EML4: variants seen among roughly 807,000 people sequenced by gnomAD.
The protein encoded by EML4 is echinoderm microtubule-associated protein-like 4.
EML4 carries 72 observed loss-of-function variants against 129.0 expected under a neutral mutation model. That is an observed-to-expected ratio of 0.56 (90% CI 0.46 to 0.68). The LOEUF is 0.68. Ranked by LOEUF, EML4 falls within the 30% of genes least tolerant of loss-of-function variation. The pLI, the probability that EML4 is intolerant of heterozygous loss-of-function variation, is 0.00. For synonymous variants in EML4, 532 were observed against 405.0 expected (o/e 1.31, Z -3.77); for missense variants, 1,363 against 1,190.6 (o/e 1.14, Z -2.13).
intron 1 of EML4, among the ~76,000 whole-genome samples, chr2:42,206,143 A>G (rs1047425099): frequency 9.2e-5 from 14 of 152,232 alleles, no homozygotes; most frequent in Admixed American, 7.2e-4. Context: ...AAGTTTCACA[A>G]ATTTGTTCCA....
At chr2:42,213,356 C>G (rs1051133640) in intron 1 of EML4, among the ~76,000 whole-genome samples, 1 of 152,152 alleles carries the variant, frequency 6.6e-6, no homozygotes, top group African/African-American at 2.4e-5. Flanking sequence ...CTTCTTGTGT[C>G]TGGCTTCTTT....
At chr2:42,286,003 G>T in intron 9 of EML4, 1 of 490,954 alleles carries the variant, frequency 2.0e-6, no homozygotes, top group Non-Finnish European at 3.7e-6. Flanking sequence ...TACCTGTAGT[G>T]CATAGGATTA....
In EML4 at chr2:42,261,239, C is replaced by A; in HGVS notation, c.457C>A (p.Pro153Thr). The change falls in exon 4 of 23, where the codon CCT becomes ACT. Residue 153 changes from proline to threonine, a missense_variant. Transcript: ENST00000318522. Reference sequence around the variant, plus strand: ...ACCTTCTCCCCAGCCCTCTTCACAACCTCTCCAAATACACAGACAAACTCC... The same window carrying A: ...ACCTTCTCCCCAGCCCTCTTCACAAACTCTCCAAATACACAGACAAACTCC... ...ASPSPQPSSQ[P>T]LQIHRQTPES... The A allele has an allele frequency of 6.2e-7, 1 of 1,614,034 alleles. No homozygotes were observed. Among genetic ancestry groups the A allele is most frequent in the African/African-American group, 1.3e-5 (1 of 75,042 alleles).
Position 42,169,585 on chromosome 2 carries a change from C to T in EML4, c.-27C>T, listed in dbSNP as rs1262130427. 4.4e-6 allele frequency: 7 copies of T among 1,597,904 alleles called. No homozygotes were observed. Among genetic ancestry groups the T allele is most frequent in the East Asian group, 2.3e-5 (1 of 43,606 alleles). On this transcript the variant is annotated 5_prime_UTR_variant, in exon 1 of 23. Coordinates refer to ENST00000318522, the MANE Select transcript of EML4 (RefSeq NM_019063.5). The stretch of plus-strand genomic sequence containing the variant: ...TGAATGAAGTGCCCGCCCCTCTAAG[C>T]CCGGAGCCCGGCGCTTTCCCCGCAA...
At chr2:42,228,954 A>T (rs1444761305) in intron 1 of EML4, among the ~76,000 whole-genome samples, 1 of 152,192 alleles carries the variant, frequency 6.6e-6, no homozygotes, top group Non-Finnish European at 1.5e-5. Flanking sequence ...ATTCCAATTT[A>T]GTCCATTTTT....
At chr2:42,215,972 G>C (rs1421902051) in intron 1 of EML4, among the ~76,000 whole-genome samples, 1 of 151,672 alleles carries the variant, frequency 6.6e-6, no homozygotes, top group African/African-American at 2.4e-5. Flanking sequence ...CCAGGGTAGA[G>C]TGCAGAGGCA....
chr2:42,218,000 ATGAAGTGGGC>A (rs1426501348), intron 1 of EML4, among the ~76,000 whole-genome samples: 1 of 152,208 alleles, frequency 6.6e-6, no homozygotes, highest in East Asian at 1.9e-4. Context: ...GTAGTCTGTA[ATGAAGTGGGC>A]TGTAGAACAG....
At chr2:42,185,300 T>A (rs1671184690) in intron 1 of EML4, among the ~76,000 whole-genome samples, 1 of 152,174 alleles carries the variant, frequency 6.6e-6, no homozygotes, top group Non-Finnish European at 1.5e-5. Context: ...GAAATTCAGA[T>A]TTCAATATCC....
chr2:42,263,142 C>T, intron 4 of EML4, 36 bp from the exon 5 acceptor site: 1 of 1,575,092 alleles, frequency 6.3e-7, no homozygotes. Context: ...CTTTGATACT[C>T]AGAATTTTTC....
intron 1 of EML4, among the ~76,000 whole-genome samples, chr2:42,223,542 C>T (rs1282900569): frequency 6.6e-6 from 1 of 152,080 alleles, no homozygotes; most frequent in Non-Finnish European, 1.5e-5. Context: ...TTAGAAATTA[C>T]AAATTTTACT....
intron 1 of EML4, among the ~76,000 whole-genome samples, chr2:42,216,184 C>T (rs899619201): frequency 6.8e-6 from 1 of 147,540 alleles, no homozygotes; most frequent in East Asian, 2.0e-4. Flanking sequence ...CGTCCCAAAC[C>T]AAAGTGCTGG....
At chr2:42,311,588 A>AGTT (rs1378806058) in intron 17 of EML4, among the ~76,000 whole-genome samples, 1 of 152,208 alleles carries the variant, frequency 6.6e-6, no homozygotes, top group Non-Finnish European at 1.5e-5. Context: ...AGTGTCATAA[A>AGTT]GTTTCCATAA....
intron 6 of EML4, among the ~76,000 whole-genome samples, chr2:42,271,123 G>T (rs1353831926): frequency 2.6e-5 from 4 of 152,070 alleles, no homozygotes; most frequent in Non-Finnish European, 5.9e-5. Context: ...TGAACTCCTG[G>T]GCTCAAGTGA....
At chr2:42,185,336 G>C (rs961915990) in intron 1 of EML4, among the ~76,000 whole-genome samples, 10 of 152,190 alleles carry the variant, frequency 6.6e-5, no homozygotes, top group African/African-American at 2.4e-4. Context: ...TTGGAACACA[G>C]CCGTACTCAT....
intron 17 of EML4, among the ~76,000 whole-genome samples, chr2:42,304,866 C>A (rs1668502758): frequency 1.3e-5 from 2 of 152,180 alleles, no homozygotes; most frequent in Admixed American, 6.5e-5. Context: ...GCACAGTAAT[C>A]CCAGCACTTT....
chr2:42,246,754 G>C lies in EML4; in HGVS notation c.208+1067G>C, dbSNP rs139700817. ...TAAAATGAGAAGGCAGTCCAGCATAGTTCCACTGGGAGCTCCAACATTTCA... is the reference window on the plus strand; with the variant it reads ...TAAAATGAGAAGGCAGTCCAGCATACTTCCACTGGGAGCTCCAACATTTCA... On this transcript the variant is annotated intron_variant, in intron 2 of 22. Transcript: ENST00000318522. Among the ~76,000 whole-genome samples, 486 of 152,298 alleles carry C rather than the reference G, an allele frequency of 3.2e-3. 3 individuals are homozygous for C. The highest frequency in any genetic ancestry group is 0.011 in the African/African-American group (465 of 41,556).
rs545872195 is a variant in EML4, at chr2:42,184,174, A to G, written c.25+14538A>G. 1.5e-3 allele frequency among the ~76,000 whole-genome samples: 230 copies of G among 152,268 alleles called. 2 individuals carry two copies. Among genetic ancestry groups the G allele is most frequent in the African/African-American group, 5.3e-3 (222 of 41,528 alleles). On this transcript the variant is annotated intron_variant, in intron 1 of 22. Coordinates refer to ENST00000318522, the MANE Select transcript of EML4 (RefSeq NM_019063.5). ...ATTGATATGGTTTTTATCTCACTCT[A>G]TTCTTACTTAACCTGTATATGGCCA...
At chr2:42,266,403 G>C (rs951527747) in intron 6 of EML4, among the ~76,000 whole-genome samples, 1 of 152,206 alleles carries the variant, frequency 6.6e-6, no homozygotes, top group Non-Finnish European at 1.5e-5. Flanking sequence ...CTGGAGTGCA[G>C]TCACTGCCTT....
In EML4 at chr2:42,207,619, T is replaced by C. The variant is rs114353699; in HGVS notation, c.26-37886T>C. ...ATAAATTTAGTTAACAGGCAACTTATGAGGGCCAGAGGAGCTTTCCTGAAC... is the reference window on the plus strand; with the variant it reads ...ATAAATTTAGTTAACAGGCAACTTACGAGGGCCAGAGGAGCTTTCCTGAAC... On this transcript the variant is annotated intron_variant, in intron 1 of 22. Coordinates refer to ENST00000318522, the MANE Select transcript of EML4 (RefSeq NM_019063.5). Among the ~76,000 whole-genome samples the C allele has an allele frequency of 2.3e-3, 355 of 152,336 alleles. 2 individuals carry two copies. Among genetic ancestry groups the C allele is most frequent in the African/African-American group, 7.9e-3 (327 of 41,578 alleles).
Sources: allele counts gnomAD v4.1 joint callset (sites outside exome capture counted in the v4.1 genomes callset), GRCh38; gene constraint gnomAD v4.1.1; transcripts MANE v1.5; gene names NCBI Gene and HGNC (gene_info 2026-07-23, HGNC 2026-07-21).